Variants in NTRK2 observed in about 807,000 individuals in gnomAD.
NTRK2 encodes the protein neurotrophic receptor tyrosine kinase 2.
Under a neutral mutation model 94.5 loss-of-function variants are expected in NTRK2, and 13 were observed. The observed-to-expected ratio is 0.14, with a 90% CI of 0.09 to 0.22. The LOEUF is 0.22. Among genes scored for constraint, NTRK2 ranks in the 10% least tolerant of loss-of-function variants. The probability of loss-of-function intolerance (pLI) is 1.00; values close to 1 mark genes in which losing one functional copy is unlikely to be tolerated. For synonymous variants in NTRK2, 372 were observed against 407.4 expected (o/e 0.91, Z 1.05); for missense variants, 639 against 1,071.2 (o/e 0.60, Z 5.63).
intron 9 of NTRK2, among the ~76,000 whole-genome samples, chr9:84,735,900 G>T (rs2132216602): frequency 6.6e-6 from 1 of 152,332 alleles, no homozygotes; most frequent in East Asian, 1.9e-4. Flanking sequence ...TTTTTGAGTA[G>T]AATTTGAGGC....
intron 12 of NTRK2, among the ~76,000 whole-genome samples, chr9:84,859,650 G>GA (rs1564397853): frequency 6.6e-6 from 1 of 152,014 alleles, no homozygotes; most frequent in African/African-American, 2.4e-5. Flanking sequence ...CATCTTAAGT[G>GA]AAAAAAACAG....
At chr9:84,836,364 C>A (rs1010830419) in intron 12 of NTRK2, among the ~76,000 whole-genome samples, 1 of 151,566 alleles carries the variant, frequency 6.6e-6, no homozygotes, top group African/African-American at 2.4e-5. Context: ...AGTAGCCCTG[C>A]AAGGAACTGA....
At chr9:84,812,354 A>G (rs2071902931) in intron 12 of NTRK2, 1 of 1,058,690 alleles carries the variant, frequency 9.4e-7, no homozygotes, top group Non-Finnish European at 1.1e-6. Context: ...CCCATGCCTT[A>G]AAGAGGGGCA....
intron 14 of NTRK2, among the ~76,000 whole-genome samples, chr9:84,906,431 TCAGCAGAG>T (rs965203340): frequency 3.0e-4 from 45 of 152,116 alleles, no homozygotes; most frequent in African/African-American, 9.4e-4. Flanking sequence ...CAGAGCAGCT[TCAGCAGAG>T]CAGTGGGAGC....
At chr9:84,988,365 G>A (rs1828610451) in intron 17 of NTRK2, among the ~76,000 whole-genome samples, 1 of 152,106 alleles carries the variant, frequency 6.6e-6, no homozygotes, top group Admixed American at 6.5e-5. Context: ...GTAAACCCAA[G>A]GTTCTTAAGG....
At chr9:84,916,365 C>T (rs2077393180) in intron 14 of NTRK2, among the ~76,000 whole-genome samples, 1 of 151,978 alleles carries the variant, frequency 6.6e-6, no homozygotes, top group Admixed American at 6.6e-5. Flanking sequence ...TGTTAGTCAA[C>T]AAAAAGGGAT....
chr9:84,726,151 G>T (rs1451767617), intron 8 of NTRK2, among the ~76,000 whole-genome samples: 1 of 152,120 alleles, frequency 6.6e-6, no homozygotes, highest in Admixed American at 6.5e-5. Flanking sequence ...GACCTTATCT[G>T]TCATAGTTTA....
intron 14 of NTRK2, among the ~76,000 whole-genome samples, chr9:84,882,719 T>TGTGTGTGTGCGTGCGCGCGC (rs761042296): frequency 1.4e-5 from 2 of 145,742 alleles, no homozygotes; most frequent in African/African-American, 5.3e-5. Context: ...TGTGTGTGTG[T>TGTGTGTGTGCGTGCGCGCGC]GCGCGCGCGC....
At chr9:84,873,669 A>G in intron 14 of NTRK2, 1 of 1,054,990 alleles carries the variant, frequency 9.5e-7, no homozygotes, top group Non-Finnish European at 1.1e-6. Flanking sequence ...AAGCCATGTT[A>G]TTATAAGCCG....
At chr9:84,806,101 G>A (rs1186281155) in intron 12 of NTRK2, among the ~76,000 whole-genome samples, 1 of 152,182 alleles carries the variant, frequency 6.6e-6, no homozygotes, top group East Asian at 1.9e-4. Flanking sequence ...AATGCCTTCA[G>A]CTCTTGGTAT....
At chr9:84,902,570 A>G (rs2076962422) in intron 14 of NTRK2, among the ~76,000 whole-genome samples, 1 of 152,204 alleles carries the variant, frequency 6.6e-6, no homozygotes, top group African/African-American at 2.4e-5. Context: ...ATACATACAT[A>G]AACATGTAAA....
At chr9:84,900,000 T>C (rs144845014) in intron 14 of NTRK2, among the ~76,000 whole-genome samples, 15 of 152,230 alleles carry the variant, frequency 9.9e-5, no homozygotes, top group African/African-American at 3.4e-4. Flanking sequence ...TCTGTCAGGG[T>C]GGTGTAAAGG....
chr9:84,679,317 A>G (rs2059254211), intron 2 of NTRK2, among the ~76,000 whole-genome samples: 1 of 152,178 alleles, frequency 6.6e-6, no homozygotes, highest in Non-Finnish European at 1.5e-5. Context: ...CCCAAATCAC[A>G]GACATATATA....
At chr9:84,943,964 G>C (rs981518802) in intron 15 of NTRK2, among the ~76,000 whole-genome samples, 1 of 152,018 alleles carries the variant, frequency 6.6e-6, no homozygotes, top group African/African-American at 2.4e-5. Context: ...TAGAAAAAAA[G>C]ACCCAACATG....
chr9:84,688,610 C>A lies in NTRK2; in HGVS notation c.213-13549C>A, dbSNP rs558285678. The stretch of plus-strand genomic sequence containing the variant: ...TTAAACGTCATTAGCTACCAGCTTC[C>A]TCCTTTCTCTCTTCCCCATATGGAT... On this transcript the variant is annotated intron_variant, in intron 2 of 18. Transcript: ENST00000277120. Among the ~76,000 whole-genome samples the A allele has an allele frequency of 1.2e-3, 178 of 152,268 alleles. 5 individuals are homozygous for A. The South Asian group carries it at 0.035, about 30-fold the overall frequency.
chr9:84,733,628 G>A (rs974830174), intron 9 of NTRK2, among the ~76,000 whole-genome samples: 12 of 152,150 alleles, frequency 7.9e-5, no homozygotes, highest in Non-Finnish European at 1.8e-4. Flanking sequence ...TATAAAAGGT[G>A]GAGAAACACT....
Position 84,670,454 on chromosome 9 carries a change from T to G in NTRK2, c.-295T>G. On this transcript the variant is annotated 5_prime_UTR_variant, in exon 2 of 19. Coordinates refer to ENST00000277120, the MANE Select transcript of NTRK2 (RefSeq NM_006180.6). ...CAGAGAGTCCCGGGAGCGCCGCCGG[T>G]CGGTGCCCGGCGCGCCGGGCCATGC... is the stretch of plus-strand genomic sequence containing the variant. The G allele has an allele frequency of 6.3e-6, 3 of 473,032 alleles. No homozygotes were observed. Among genetic ancestry groups the G allele is most frequent in the South Asian group, 2.4e-5 (1 of 42,118 alleles). 29.3% of individuals were successfully genotyped at this position (473,032 alleles called of 1,614,324 possible). A position where few individuals can be genotyped will look rare whatever the true frequency, so the allele number is the denominator to read the frequency against.
intron 9 of NTRK2, among the ~76,000 whole-genome samples, chr9:84,730,463 G>A (rs887604571): frequency 3.1e-5 from 4 of 127,180 alleles, no homozygotes; most frequent in Admixed American, 1.5e-4. Flanking sequence ...AAAATAGGCC[G>A]GGCGCGGTGG....
intron 12 of NTRK2, among the ~76,000 whole-genome samples, chr9:84,831,704 T>A (rs1483031925): frequency 6.6e-6 from 1 of 152,142 alleles, no homozygotes; most frequent in Admixed American, 6.5e-5. Flanking sequence ...GACAGGGCCT[T>A]TGGGATCCAG....
Sources: allele counts gnomAD v4.1 joint callset (sites outside exome capture counted in the v4.1 genomes callset), GRCh38; gene constraint gnomAD v4.1.1; transcripts MANE v1.5; gene names NCBI Gene and HGNC (gene_info 2026-07-23, HGNC 2026-07-21).